STMN4: variants seen among roughly 807,000 people sequenced by gnomAD.
The protein encoded by STMN4 is stathmin 4.
Under a neutral mutation model 29.1 loss-of-function variants are expected in STMN4, and 12 were observed. The observed-to-expected ratio is 0.41, with a 90% confidence interval of 0.26 to 0.67. The LOEUF (loss-of-function observed/expected upper bound fraction) is 0.67, where lower values mean the gene tolerates loss of function less well. Among genes scored for constraint, STMN4 ranks in the 30% least tolerant of loss-of-function variants. The probability of loss-of-function intolerance (pLI) is 0.30; values close to 1 mark genes in which losing one functional copy is unlikely to be tolerated. For synonymous variants in STMN4, 114 were observed against 105.3 expected (o/e 1.08, Z -0.51); for missense variants, 181 against 262.8 (o/e 0.69, Z 2.15).
At chr8:27,243,895 G>C (rs1801549807) in intron 1 of STMN4, 94 bp from the exon 2 acceptor site, 7 of 1,175,274 alleles carry the variant, frequency 6.0e-6, no homozygotes, top group South Asian at 5.6e-5. Flanking sequence ...GGAATCTCAG[G>C]GGTACCTCAT....
chr8:27,254,575 G>A (rs1385164376), intron 1 of STMN4, among the ~76,000 whole-genome samples: 1 of 152,154 alleles, frequency 6.6e-6, no homozygotes, highest in Non-Finnish European at 1.5e-5. Context: ...GGCTTCGGTG[G>A]GGAGGGATAG....
In STMN4 at chr8:27,239,771, C is replaced by T. The variant is rs917178244; in HGVS notation, c.591+200G>A. 58 of 1,520,118 alleles carry T rather than the reference C, an allele frequency of 3.8e-5. No homozygotes were observed. The African/African-American group carries it at 6.9e-4, about 18-fold the overall frequency. 94.2% of individuals were successfully genotyped at this position (1,520,118 alleles called of 1,614,324 possible). A position where few individuals can be genotyped will look rare whatever the true frequency, so the allele number is the denominator to read the frequency against. On this transcript the variant is annotated intron_variant, in intron 6 of 6. Coordinates refer to ENST00000350889, the MANE Select transcript of STMN4 (RefSeq NM_030795.4). ...TGTGCAGAATATCCCCCAAGGAAAC[C>T]CTGAGTCTGGTTCCTATTTCTTGCC...
rs1242937582 is a variant in STMN4 at position 27,236,042 on chromosome 8, C to CT, written c.*803dup. On this transcript the variant is annotated 3_prime_UTR_variant, in exon 7 of 7. Coordinates refer to ENST00000350889, the MANE Select transcript of STMN4 (RefSeq NM_030795.4). ...GTTCATTGAAAGGAAGATTGAGTTT[C>CT]TTTTCTCATCAATTTAGTGCATGCT... 1 of 152,210 alleles carries CT rather than the reference C, an allele frequency of 6.6e-6. No homozygotes were observed. 9.4% of individuals were successfully genotyped at this position (152,210 alleles called of 1,614,324 possible).
chr8:27,241,616 C>T (rs1166964812), intron 4 of STMN4, 61 bp downstream of exon 4: 6 of 1,596,942 alleles, frequency 3.8e-6, no homozygotes, highest in African/African-American at 1.3e-5. Context: ...CCCCCGCCCA[C>T]CCCCGGCCAC....
intron 1 of STMN4, among the ~76,000 whole-genome samples, chr8:27,254,085 T>C (rs1346333390): frequency 1.3e-5 from 2 of 152,130 alleles, no homozygotes; most frequent in Non-Finnish European, 2.9e-5. Context: ...GCCCGGCCCA[T>C]GGTATGTTTC....
intron 1 of STMN4, among the ~76,000 whole-genome samples, chr8:27,247,976 C>G (rs945119026): frequency 6.6e-6 from 1 of 152,208 alleles, no homozygotes; most frequent in African/African-American, 2.4e-5. Flanking sequence ...AAATTCATTG[C>G]ATCCAGCAGC....
Position 27,242,235 on chromosome 8 carries a change from C to A in STMN4, c.109+162G>T. The A allele has an allele frequency of 2.8e-6, 2 of 717,098 alleles. 1 individual carries two copies. Among genetic ancestry groups the A allele is most frequent in the South Asian group, 3.6e-5 (2 of 55,470 alleles). The allele number at this position is 717,098 out of a possible 1,614,324, so 44.4% of individuals were successfully genotyped here. On this transcript the variant is annotated intron_variant, in intron 3 of 6. Transcript: ENST00000350889. ...CCCTAGTGCCCAGGCTGGACCACTG[C>A]AGCTCAGACCCTCGGGCTCACCCGC...
intron 1 of STMN4, among the ~76,000 whole-genome samples, chr8:27,255,277 C>T (rs1304119488): frequency 6.6e-6 from 1 of 152,148 alleles, no homozygotes; most frequent in Non-Finnish European, 1.5e-5. Context: ...GAAAATTACA[C>T]TTTACATGTT....
At chr8:27,257,677 G>T (rs988412213) in intron 1 of STMN4, among the ~76,000 whole-genome samples, 3 of 152,162 alleles carry the variant, frequency 2.0e-5, no homozygotes, top group Admixed American at 1.3e-4. Context: ...CCTGGCAAGT[G>T]TGGTGGGCTG....
At chr8:27,248,972 T>C (rs1474360297) in intron 1 of STMN4, among the ~76,000 whole-genome samples, 1 of 152,232 alleles carries the variant, frequency 6.6e-6, no homozygotes. Flanking sequence ...TACAAACTGA[T>C]CCATACATTT....
At chr8:27,241,787 C>G (rs117787668) in intron 3 of STMN4, 30 bp from the exon 4 acceptor site, 30 of 1,612,940 alleles carry the variant, frequency 1.9e-5, no homozygotes, top group Non-Finnish European at 2.4e-5. Context: ...TCAGGTCATC[C>G]GAGCATGCCT....
rs921466327 is a variant in STMN4 at position 27,236,773 on chromosome 8, G to C, written c.*73C>G. On this transcript the variant is annotated 3_prime_UTR_variant, in exon 7 of 7. Transcript: ENST00000350889. ...CCCCAGTGCTGGGAGCGCAGCCGGC[G>C]GGCGAGGCTGCCTGGAACGTGGAGC... 6 of 1,373,678 alleles carry C rather than the reference G, an allele frequency of 4.4e-6. No homozygotes were observed. The highest frequency in any genetic ancestry group is 2.9e-6 in the Non-Finnish European group (3 of 1,029,186). 85.1% of individuals were successfully genotyped at this position (1,373,678 alleles called of 1,614,324 possible). A position where few individuals can be genotyped will look rare whatever the true frequency, so the allele number is the denominator to read the frequency against.
Position 27,243,805 on chromosome 8 carries a change from A to C in STMN4, c.-78-4T>G. On this transcript the variant is annotated splice_region_variant and splice_polypyrimidine_tract_variant and intron_variant, in intron 1 of 6. Transcript: ENST00000350889. ...AGCTTGGGACGCTGTCACCAACCTG[A>C]GAAAAGGGGAGGACAGGATTTTACC... The C allele has an allele frequency of 6.2e-7, 1 of 1,613,508 alleles. No individual in the cohort carries two copies.
At chr8:27,238,732 G>A (rs1488021500) in intron 6 of STMN4, among the ~76,000 whole-genome samples, 2 of 152,206 alleles carry the variant, frequency 1.3e-5, no homozygotes, top group Admixed American at 6.5e-5. Flanking sequence ...TCGTGACCCT[G>A]GGTAAGTCAT....
intron 4 of STMN4, 111 bp from the exon 5 acceptor site, chr8:27,241,373 G>A: frequency 1.5e-6 from 2 of 1,301,226 alleles, no homozygotes; most frequent in East Asian, 2.3e-5. Flanking sequence ...AAGCAAGCTG[G>A]AGACTGGGGT....
chr8:27,239,728 G>T (rs1267519056), intron 6 of STMN4: 2 of 1,461,312 alleles, frequency 1.4e-6, no homozygotes, highest in African/African-American at 2.8e-5. Context: ...AGGCAATGAA[G>T]GATTTTAATT....
At chr8:27,252,795 C>A (rs1801829939) in intron 1 of STMN4, among the ~76,000 whole-genome samples, 1 of 152,146 alleles carries the variant, frequency 6.6e-6, no homozygotes, top group Non-Finnish European at 1.5e-5. Flanking sequence ...TCCAAGACTA[C>A]CCTAGATGTA....
In STMN4 at chr8:27,241,052, A is replaced by G. The variant is rs1586005804; in HGVS notation, c.399+2T>C. On this transcript the variant is annotated splice_donor_variant, in intron 5 of 6. Coordinates refer to ENST00000350889, the MANE Select transcript of STMN4 (RefSeq NM_030795.4). LOFTEE classifies it high-confidence loss of function. ...AGGAAAGAAGGAAGGGTCAGCATTTACCTTCCTTCGCTCCTCAGCCGCTTC... is the reference window on the plus strand; with the variant it reads ...AGGAAAGAAGGAAGGGTCAGCATTTGCCTTCCTTCGCTCCTCAGCCGCTTC... The G allele has an allele frequency of 6.2e-7, 1 of 1,612,070 alleles. No individual in the cohort carries two copies. The highest frequency in any genetic ancestry group is 8.5e-7 in the Non-Finnish European group (1 of 1,178,916).
At chr8:27,238,410 G>GC (rs1309122313) in intron 6 of STMN4, among the ~76,000 whole-genome samples, 1 of 152,206 alleles carries the variant, frequency 6.6e-6, no homozygotes, top group African/African-American at 2.4e-5. Flanking sequence ...AAGGGATGCT[G>GC]CCCCCTCAAA....
Sources: allele counts gnomAD v4.1 joint callset (sites outside exome capture counted in the v4.1 genomes callset), GRCh38; gene constraint gnomAD v4.1.1; transcripts MANE v1.5; gene names NCBI Gene and HGNC (gene_info 2026-07-23, HGNC 2026-07-21).